The following MTCL1 variants were observed in gnomAD, a reference collection of about 807,000 sequenced individuals.
The protein encoded by MTCL1 is microtubule cross-linking factor 1.
MTCL1 carries 79 observed loss-of-function variants against 141.4 expected under a neutral mutation model. The ratio of observed to expected loss-of-function variants is 0.56; its 90% CI spans 0.47 to 0.67. The LOEUF (loss-of-function observed/expected upper bound fraction) is 0.67, where lower values mean the gene tolerates loss of function less well. Ranked by LOEUF, MTCL1 falls within the 30% of genes least tolerant of loss-of-function variation. The pLI, the probability that MTCL1 is intolerant of heterozygous loss-of-function variation, is 0.00. For synonymous variants in MTCL1, 914 were observed against 875.8 expected (o/e 1.04, Z -0.77); for missense variants, 2,177 against 2,113.9 (o/e 1.03, Z -0.59).
At chr18:8,769,393 A>G (rs1329321729) in intron 4 of MTCL1, among the ~76,000 whole-genome samples, 1 of 152,178 alleles carries the variant, frequency 6.6e-6, no homozygotes, top group Non-Finnish European at 1.5e-5. Flanking sequence ...CACTGTAGTT[A>G]TAATTTACAG....
intron 7 of MTCL1, among the ~76,000 whole-genome samples, chr18:8,787,946 T>C (rs1228203117): frequency 2.0e-5 from 3 of 152,244 alleles, no homozygotes; most frequent in Non-Finnish European, 4.4e-5. Flanking sequence ...AATGTCACTC[T>C]GACAGCCTTG....
chr18:8,782,048 A>T (rs1380066859), intron 5 of MTCL1: 1 of 152,370 alleles, frequency 6.6e-6, no homozygotes, highest in Non-Finnish European at 1.5e-5. Context: ...TGGAAGGAGG[A>T]AAGTTGGGAG....
intron 1 of MTCL1, among the ~76,000 whole-genome samples, chr18:8,710,028 C>T (rs2096078084): frequency 6.6e-6 from 1 of 152,148 alleles, no homozygotes; most frequent in African/African-American, 2.4e-5. Context: ...TTAGTAGAGA[C>T]AGGGTTTCAC....
chr18:8,807,192 G>C, intron 11 of MTCL1, 132 bp downstream of exon 10: 1 of 958,596 alleles, frequency 1.0e-6, no homozygotes, highest in Non-Finnish European at 1.5e-6. Flanking sequence ...AGGAGTGGCT[G>C]CTTGTGTCTC....
At chr18:8,766,924 C>T (rs975837196) in intron 4 of MTCL1, among the ~76,000 whole-genome samples, 1 of 152,186 alleles carries the variant, frequency 6.6e-6, no homozygotes, top group African/African-American at 2.4e-5. Context: ...ACTGGCTGAC[C>T]CACCTCAAAG....
Position 8,779,610 on chromosome 18 carries a change from C to T in MTCL1, c.417+1718C>T, listed in dbSNP as rs146979291. Among the ~76,000 whole-genome samples, 485 of 152,242 alleles carry T rather than the reference C, an allele frequency of 3.2e-3. 2 individuals are homozygous for T. Among genetic ancestry groups the T allele is most frequent in the Non-Finnish European group, 5.5e-3 (373 of 68,016 alleles). Reference sequence around the variant, plus strand: ...TGTACACAACACCCGGCAGGTGCAGCGGGCCCTGCTCCAGCTGCCTCGACC... The same window carrying T: ...TGTACACAACACCCGGCAGGTGCAGTGGGCCCTGCTCCAGCTGCCTCGACC... On this transcript the variant is annotated intron_variant, in intron 5 of 16. Coordinates refer to ENST00000359865, the Ensembl canonical transcript of MTCL1. The surrounding 1 kb of genome is among the most constrained non-coding windows in gnomAD (Gnocchi z 4.1).
In MTCL1 at chr18:8,810,933, C is replaced by T. The variant is rs760847858; in HGVS notation, c.2605-2046C>T. 2.6e-5 allele frequency among the ~76,000 whole-genome samples: 4 copies of T among 152,114 alleles called. No individual in the cohort carries two copies. The highest frequency in any genetic ancestry group is 5.9e-5 in the Non-Finnish European group (4 of 68,028). On this transcript the variant is annotated intron_variant, in intron 11 of 16. Coordinates refer to ENST00000359865, the Ensembl canonical transcript of MTCL1. This position sits in a 1 kb window ranked among gnomAD's most constrained non-coding sequence, Gnocchi z 5.0. Reference sequence around the variant, plus strand: ...CAGGGACAAAACAGTGTGCTCTCCCCGCTTAATGAAGCATTTGCCTTTATT... The same window carrying T: ...CAGGGACAAAACAGTGTGCTCTCCCTGCTTAATGAAGCATTTGCCTTTATT...
intron 5 of MTCL1, among the ~76,000 whole-genome samples, chr18:8,780,564 A>C (rs1368091786): frequency 6.6e-6 from 1 of 152,188 alleles, no homozygotes; most frequent in Non-Finnish European, 1.5e-5. Flanking sequence ...ATGATTTTTG[A>C]CAATGGACAG....
intron 4 of MTCL1, among the ~76,000 whole-genome samples, chr18:8,749,616 G>A (rs1244163082): frequency 1.3e-5 from 2 of 152,244 alleles, no homozygotes; most frequent in East Asian, 3.8e-4. Context: ...CCTGAGCTTG[G>A]GCAGATCCAA....
At chr18:8,823,298 C>T (rs1251734445) in intron 14 of MTCL1, among the ~76,000 whole-genome samples, 1 of 152,168 alleles carries the variant, frequency 6.6e-6, no homozygotes. Context: ...CATCCATGCC[C>T]CAGAGGCACT....
Position 8,733,120 on chromosome 18 carries a change from G to A in MTCL1, c.357+12624G>A, listed in dbSNP as rs139197221. Among the ~76,000 whole-genome samples the A allele has an allele frequency of 5.6e-3, 852 of 152,314 alleles. 7 individuals are homozygous for A. The highest frequency in any genetic ancestry group is 0.02 in the African/African-American group (816 of 41,556). On this transcript the variant is annotated intron_variant, in intron 4 of 16. Transcript: ENST00000359865. ...GGCTCATCTCTCCTGGCAGGGGGGA[G>A]GAAGGTGAGAGCTGAGGACGCAGTG...
At chr18:8,814,729 C>T (rs1204644196) in intron 12 of MTCL1, among the ~76,000 whole-genome samples, 1 of 152,222 alleles carries the variant, frequency 6.6e-6, no homozygotes, top group Admixed American at 6.5e-5. Flanking sequence ...CTCCTGTACC[C>T]CAGTGAGGCC....
At chr18:8,750,819 G>A (rs377657366) in intron 4 of MTCL1, among the ~76,000 whole-genome samples, 192 of 152,298 alleles carry the variant, frequency 1.3e-3, no homozygotes, top group African/African-American at 4.3e-3. Flanking sequence ...TTCATTACAG[G>A]GAAATGACTT....
chr18:8,798,570 G>T (rs1411780336), intron 10 of MTCL1, among the ~76,000 whole-genome samples: 1 of 152,172 alleles, frequency 6.6e-6, no homozygotes, highest in Non-Finnish European at 1.5e-5. Flanking sequence ...CGCTGCTGGG[G>T]CCAGTGAATT....
intron 11 of MTCL1, among the ~76,000 whole-genome samples, chr18:8,812,480 A>G (rs949249621): frequency 2.0e-5 from 3 of 152,204 alleles, no homozygotes; most frequent in African/African-American, 7.2e-5. Context: ...TTGTGCCTCT[A>G]TGACATGGGT....
At chr18:8,714,811 T>A (rs535494350), upstream of MTCL1, among the ~76,000 whole-genome samples, 1 of 152,144 alleles carries the variant, frequency 6.6e-6, no homozygotes, top group Non-Finnish European at 1.5e-5. Flanking sequence ...TCTCTTTTTT[T>A]TTTGAGGTGG....
chr18:8,751,258 G>T (rs2096369633), intron 4 of MTCL1, among the ~76,000 whole-genome samples: 1 of 152,246 alleles, frequency 6.6e-6, no homozygotes, highest in African/African-American at 2.4e-5. Flanking sequence ...CATAGCTTGT[G>T]TGTGTTCTGT....
At chr18:8,748,489 A>G (rs369427174) in intron 4 of MTCL1, among the ~76,000 whole-genome samples, 79 of 152,188 alleles carry the variant, frequency 5.2e-4, no homozygotes, top group African/African-American at 1.9e-3. Context: ...GCTACAGTAA[A>G]TGATAATTGT....
intron 7 of MTCL1, chr18:8,789,824 A>G (rs2075657576): frequency 1.9e-6 from 1 of 537,770 alleles, no homozygotes; most frequent in Admixed American, 6.3e-5. Flanking sequence ...GTGTCATGTG[A>G]AACTTTTCTC....
Sources: allele counts gnomAD v4.1 joint callset (sites outside exome capture counted in the v4.1 genomes callset), GRCh38; gene constraint gnomAD v4.1.1; non-coding constraint Gnocchi (gnomAD v3.1); transcripts MANE v1.5; gene names NCBI Gene and HGNC (gene_info 2026-07-23, HGNC 2026-07-21).